TYW1B: variants seen among roughly 807,000 people sequenced by gnomAD.
The protein encoded by TYW1B is S-adenosyl-L-methionine-dependent tRNA 4-demethylwyosine synthase TYW1B.
Under a neutral mutation model 86.9 loss-of-function variants are expected in TYW1B, and 73 were observed. The ratio of observed to expected loss-of-function variants is 0.84; its 90% CI spans 0.70 to 1.02. TYW1B has a LOEUF of 1.02. Ranked by LOEUF, TYW1B falls within the 50% of genes least tolerant of loss-of-function variation. TYW1B has a pLI of 0.00. For missense variants in TYW1B, 637 were observed against 827.4 expected (o/e 0.77, Z 2.82); for synonymous variants, 248 against 292.8 (o/e 0.85, Z 1.56).
At chr7:72,681,517 G>A (rs1255278305) in intron 11 of TYW1B, among the ~76,000 whole-genome samples, 3 of 151,940 alleles carry the variant, frequency 2.0e-5, no homozygotes, top group African/African-American at 4.8e-5. Flanking sequence ...AGACTTGTGA[G>A]GCTATTTGTT....
intron 13 of TYW1B, among the ~76,000 whole-genome samples, chr7:72,611,483 T>C (rs1811930979): frequency 6.6e-6 from 1 of 152,144 alleles, no homozygotes; most frequent in African/African-American, 2.4e-5. Context: ...GATGGTTTTA[T>C]AAGGAGTTTC....
intron 13 of TYW1B, among the ~76,000 whole-genome samples, chr7:72,579,432 C>T (rs1452285392): frequency 1.3e-5 from 2 of 152,192 alleles, no homozygotes; most frequent in Non-Finnish European, 2.9e-5. Context: ...GCTCAGGCTG[C>T]CGTAACAAAA....
At chr7:72,594,455 C>A (rs1207245506) in intron 13 of TYW1B, among the ~76,000 whole-genome samples, 11 of 151,758 alleles carry the variant, frequency 7.2e-5, no homozygotes, top group Admixed American at 2.0e-4. Flanking sequence ...GACTAAGTCA[C>A]AAAGAAACAG....
intron 7 of TYW1B, among the ~76,000 whole-genome samples, chr7:72,771,401 T>C (rs1350861017): frequency 6.6e-6 from 1 of 152,214 alleles, no homozygotes; most frequent in Non-Finnish European, 1.5e-5. Context: ...TATATCTTAA[T>C]TGGAGTTGGT....
rs58845960 is a variant in TYW1B, at chr7:72,749,912, G to T, written c.965-5311C>A. On this transcript the variant is annotated intron_variant, in intron 7 of 13. Transcript: ENST00000620995. Reference sequence around the variant, plus strand: ...CATTAATTCTATGTTGGTTTTTTTTGTTTTTTTTTTTTTTTTGAGACAAGG... The same window carrying T: ...CATTAATTCTATGTTGGTTTTTTTTTTTTTTTTTTTTTTTTTGAGACAAGG... 6.5e-3 allele frequency among the ~76,000 whole-genome samples: 769 copies of T among 118,754 alleles called. 4 individuals are homozygous for T. Among genetic ancestry groups the T allele is most frequent in the African/African-American group, 0.017 (514 of 30,756 alleles). 77.9% of individuals were successfully genotyped at this position (118,754 alleles called of 152,430 possible). A position where few individuals can be genotyped will look rare whatever the true frequency, so the allele number is the denominator to read the frequency against.
At chr7:72,690,079 A>G (rs529067516) in intron 11 of TYW1B, among the ~76,000 whole-genome samples, 1 of 152,366 alleles carries the variant, frequency 6.6e-6, no homozygotes, top group East Asian at 1.9e-4. Context: ...GTTAAGGTGC[A>G]ATGCAAGAAA....
chr7:72,599,710 T>G (rs1811613360), intron 13 of TYW1B, among the ~76,000 whole-genome samples: 1 of 152,112 alleles, frequency 6.6e-6, no homozygotes, highest in Admixed American at 6.6e-5. Flanking sequence ...AAAGTTAATA[T>G]ATATATAAAA....
chr7:72,632,498 A>T (rs1288604404), intron 11 of TYW1B, among the ~76,000 whole-genome samples: 4 of 134,070 alleles, frequency 3.0e-5, no homozygotes, highest in Non-Finnish European at 6.1e-5. Flanking sequence ...ACATATATAC[A>T]TATATATTAT....
chr7:72,654,058 C>T (rs1373273785), intron 11 of TYW1B, among the ~76,000 whole-genome samples: 8 of 144,546 alleles, frequency 5.5e-5, no homozygotes, highest in Non-Finnish European at 9.0e-5. Context: ...CCAGCCTGGG[C>T]GACAGAGCAA....
intron 13 of TYW1B, among the ~76,000 whole-genome samples, chr7:72,607,441 GAAGAAC>G (rs571977481): frequency 1.7e-3 from 237 of 143,592 alleles, no homozygotes; most frequent in Middle Eastern, 3.5e-3. Flanking sequence ...AGAGGAGGAA[GAAGAAC>G]AAGAACAAGA....
chr7:72,719,631 C>CG (rs1332010584), intron 9 of TYW1B, among the ~76,000 whole-genome samples: 5 of 65,056 alleles, frequency 7.7e-5, no homozygotes, highest in Admixed American at 6.5e-4. Flanking sequence ...ATTCCGTCTC[C>CG]AAAAAAAAAA....
intron 4 of TYW1B, among the ~76,000 whole-genome samples, chr7:72,808,744 G>A (rs1157195226): frequency 2.0e-5 from 3 of 151,762 alleles, no homozygotes; most frequent in African/African-American, 7.3e-5. Flanking sequence ...TCAGGCTGGG[G>A]TCGAACTCCC....
chr7:72,673,531 G>C (rs539836460), intron 11 of TYW1B, among the ~76,000 whole-genome samples: 1 of 152,286 alleles, frequency 6.6e-6, no homozygotes, highest in South Asian at 2.1e-4. Context: ...TCACTTAATT[G>C]TGGGATCGAA....
intron 11 of TYW1B, among the ~76,000 whole-genome samples, chr7:72,661,821 G>T (rs1813335867): frequency 6.6e-6 from 1 of 151,930 alleles, no homozygotes; most frequent in South Asian, 2.1e-4. Context: ...GCAGGTGGTA[G>T]TTTTTTTGTT....
chr7:72,581,617 C>A (rs1483514138), intron 13 of TYW1B, among the ~76,000 whole-genome samples: 1 of 151,972 alleles, frequency 6.6e-6, no homozygotes, highest in Non-Finnish European at 1.5e-5. Flanking sequence ...CACCACCATA[C>A]CCAGCTAATT....
In TYW1B at chr7:72,687,720, T is replaced by C. The variant is rs554321675; in HGVS notation, c.1506+6967A>G. ...AATAGGCAAAATTAATCTACGATGA[T>C]AAAAGTTGGCATAATTGTTCATAAT... On this transcript the variant is annotated intron_variant, in intron 11 of 13. Transcript: ENST00000620995. Among the ~76,000 whole-genome samples, 47 of 152,208 alleles carry C rather than the reference T, an allele frequency of 3.1e-4. 2 individuals are homozygous for C. The South Asian group carries it at 9.3e-3, about 30-fold the overall frequency.
chr7:72,664,540 A>G (rs2129569528), intron 11 of TYW1B, among the ~76,000 whole-genome samples: 1 of 152,278 alleles, frequency 6.6e-6, no homozygotes, highest in East Asian at 1.9e-4. Flanking sequence ...TATAAGTGGG[A>G]GCTAAATGAT....
intron 9 of TYW1B, among the ~76,000 whole-genome samples, chr7:72,727,983 T>G (rs1264022721): frequency 6.6e-6 from 1 of 152,178 alleles, no homozygotes; most frequent in Non-Finnish European, 1.5e-5. Context: ...CAATATTTGT[T>G]AATATGAGAC....
intron 11 of TYW1B, among the ~76,000 whole-genome samples, chr7:72,691,208 A>G (rs1293900122): frequency 6.6e-6 from 1 of 152,234 alleles, no homozygotes; most frequent in African/African-American, 2.4e-5. Flanking sequence ...GCTTGAGTCA[A>G]TTTAAAGGAA....
Sources: allele counts gnomAD v4.1 joint callset (sites outside exome capture counted in the v4.1 genomes callset), GRCh38; gene constraint gnomAD v4.1.1; transcripts MANE v1.5; gene names NCBI Gene and HGNC (gene_info 2026-07-23, HGNC 2026-07-21).